The following GRM3 variants were observed in gnomAD, a reference collection of about 807,000 sequenced individuals.
The protein encoded by GRM3 is glutamate metabotropic receptor 3.
A neutral mutation model predicts 70.5 loss-of-function variants in GRM3; 26 were observed. The ratio of observed to expected loss-of-function variants is 0.37; its 90% CI spans 0.27 to 0.51. The LOEUF (loss-of-function observed/expected upper bound fraction) is 0.51, where lower values mean the gene tolerates loss of function less well. GRM3 is among the 20% of genes least tolerant of loss of function. The pLI is 0.93. For synonymous variants in GRM3, 443 were observed against 434.9 expected (o/e 1.02, Z -0.23); for missense variants, 859 against 1,123.8 (o/e 0.76, Z 3.37).
intron 2 of GRM3, among the ~76,000 whole-genome samples, chr7:86,769,258 CT>C (rs1195779366): frequency 6.6e-6 from 1 of 152,022 alleles, no homozygotes; most frequent in African/African-American, 2.4e-5. Flanking sequence ...TGGAAATTGT[CT>C]TTTCTTGAAC....
At chr7:86,815,487 CA>C (rs1486498246) in intron 3 of GRM3, among the ~76,000 whole-genome samples, 1 of 151,818 alleles carries the variant, frequency 6.6e-6, no homozygotes, top group Non-Finnish European at 1.5e-5. Context: ...CCAACTTATA[CA>C]AAAGAAAGTA....
intron 1 of GRM3, among the ~76,000 whole-genome samples, chr7:86,680,354 C>T (rs1794414102): frequency 6.6e-6 from 1 of 151,738 alleles, no homozygotes; most frequent in South Asian, 2.1e-4. Flanking sequence ...GAACAAAACT[C>T]ATAGGGAAGT....
At chr7:86,670,014 G>A (rs1794131354) in intron 1 of GRM3, among the ~76,000 whole-genome samples, 1 of 152,108 alleles carries the variant, frequency 6.6e-6, no homozygotes, top group African/African-American at 2.4e-5. Flanking sequence ...GAAACACTCT[G>A]TAGCTCTAAA....
chr7:86,819,130 T>C (rs1798070545), intron 3 of GRM3, among the ~76,000 whole-genome samples: 1 of 152,102 alleles, frequency 6.6e-6, no homozygotes, highest in Non-Finnish European at 1.5e-5. Context: ...TATACTGCAA[T>C]TATCACAGCC....
chr7:86,805,853 C>T (rs1051518519), intron 3 of GRM3, among the ~76,000 whole-genome samples: 2 of 151,994 alleles, frequency 1.3e-5, no homozygotes, highest in Non-Finnish European at 2.9e-5. Context: ...CACTCATTAA[C>T]TCATCATTTA....
chr7:86,840,714 T>A (rs1258954619), intron 4 of GRM3, among the ~76,000 whole-genome samples: 2 of 152,142 alleles, frequency 1.3e-5, no homozygotes, highest in Non-Finnish European at 2.9e-5. Context: ...GTTTCTCTCT[T>A]CAGGTATTTG....
intron 3 of GRM3, among the ~76,000 whole-genome samples, chr7:86,828,471 G>C (rs545252359): frequency 6.6e-6 from 1 of 152,100 alleles, no homozygotes; most frequent in Non-Finnish European, 1.5e-5. Flanking sequence ...CAAAATTCAC[G>C]ATAAAGCAAG....
chr7:86,685,099 A>G (rs1473733985), intron 1 of GRM3, among the ~76,000 whole-genome samples: 1 of 152,214 alleles, frequency 6.6e-6, no homozygotes, highest in Non-Finnish European at 1.5e-5. Flanking sequence ...AAAATATCTC[A>G]ATATCCTCAT....
intron 3 of GRM3, among the ~76,000 whole-genome samples, chr7:86,788,830 A>G (rs1165920206): frequency 6.6e-6 from 1 of 152,228 alleles, no homozygotes; most frequent in African/African-American, 2.4e-5. Context: ...CACCACATAT[A>G]TTAATTAACT....
intron 1 of GRM3, among the ~76,000 whole-genome samples, chr7:86,736,037 A>T (rs182064037): frequency 1.2e-4 from 19 of 152,330 alleles, no homozygotes; most frequent in African/African-American, 3.8e-4. Flanking sequence ...TTCCTAGCTG[A>T]CTTTTTCCAC....
At chr7:86,727,271 A>T (rs1795614024) in intron 1 of GRM3, among the ~76,000 whole-genome samples, 1 of 152,114 alleles carries the variant, frequency 6.6e-6, no homozygotes, top group Non-Finnish European at 1.5e-5. Flanking sequence ...AGACATGCAA[A>T]GTTCATTGTG....
chr7:86,683,927 C>T (rs1408613204), intron 1 of GRM3, among the ~76,000 whole-genome samples: 1 of 152,098 alleles, frequency 6.6e-6, no homozygotes, highest in African/African-American at 2.4e-5. Context: ...TGACCACTTT[C>T]CCAGGACGGT....
At chr7:86,746,629 T>C (rs1388388347) in intron 1 of GRM3, among the ~76,000 whole-genome samples, 1 of 151,940 alleles carries the variant, frequency 6.6e-6, no homozygotes, top group Non-Finnish European at 1.5e-5. Context: ...TCATCACCTC[T>C]GTCTCACCTT....
intron 1 of GRM3, among the ~76,000 whole-genome samples, chr7:86,710,497 G>A (rs1562833921): frequency 1.4e-5 from 2 of 142,062 alleles, no homozygotes; most frequent in Non-Finnish European, 3.0e-5. Context: ...AACTATAGAA[G>A]ACTGAAGTAC....
At chr7:86,770,003 C>T (rs1285432284) in intron 2 of GRM3, among the ~76,000 whole-genome samples, 10 of 152,112 alleles carry the variant, frequency 6.6e-5, no homozygotes, top group African/African-American at 2.2e-4. Flanking sequence ...AGAAGAGAAT[C>T]AAGTTGGTTG....
chr7:86,850,703 C>G (rs1404728854), intron 5 of GRM3, among the ~76,000 whole-genome samples, 159 bp downstream of exon 5: 1 of 152,090 alleles, frequency 6.6e-6, no homozygotes, highest in African/African-American at 2.4e-5. Flanking sequence ...GTGCTAAGTG[C>G]TGGGGATTCA....
chr7:86,818,479 C>T (rs934745061), intron 3 of GRM3, among the ~76,000 whole-genome samples: 1 of 152,004 alleles, frequency 6.6e-6, no homozygotes, highest in Admixed American at 6.6e-5. Context: ...ATGGCTCCAC[C>T]TTTTCTATGC....
intron 1 of GRM3, among the ~76,000 whole-genome samples, chr7:86,668,103 C>G (rs1794076103): frequency 1.3e-5 from 2 of 152,130 alleles, no homozygotes; most frequent in Admixed American, 6.6e-5. Flanking sequence ...ATTCTTAACT[C>G]AGGTGTGCCT....
chr7:86,724,062 C>A (rs991774106), intron 1 of GRM3, among the ~76,000 whole-genome samples: 1 of 152,078 alleles, frequency 6.6e-6, no homozygotes, highest in African/African-American at 2.4e-5. Context: ...CATTTCATAG[C>A]CTTTGCAGCT....
Sources: gnomAD v4.1 joint callset for allele counts (sites outside exome capture counted in the v4.1 genomes callset) on GRCh38, gnomAD v4.1.1 for gene constraint, MANE v1.5 for transcripts, NCBI Gene and HGNC (gene_info 2026-07-23, HGNC 2026-07-21) for gene names.